Variants in SSH1 observed in about 807,000 individuals in gnomAD.
The protein encoded by SSH1 is protein phosphatase Slingshot homolog 1.
A neutral mutation model predicts 79.7 loss-of-function variants in SSH1; 43 were observed. The ratio of observed to expected loss-of-function variants is 0.54; its 90% CI spans 0.42 to 0.70. SSH1 has a LOEUF of 0.70. Among genes scored for constraint, SSH1 ranks in the 30% least tolerant of loss-of-function variants. The pLI is 0.00. For synonymous variants in SSH1, 599 were observed against 538.3 expected (o/e 1.11, Z -1.56); for missense variants, 1,206 against 1,358.8 (o/e 0.89, Z 1.77).
Position 108,800,844 on chromosome 12 carries a change from C to T in SSH1, c.1084G>A (p.Asp362Asn), listed in dbSNP as rs1052903656. 4 of 1,614,028 alleles carry T rather than the reference C, an allele frequency of 2.5e-6. No individual in the cohort carries two copies. The highest frequency in any genetic ancestry group is 3.4e-6 in the Non-Finnish European group (4 of 1,179,986). The change falls in exon 12 of 15, where the codon GAT becomes AAT. Residue 362 changes from aspartate to asparagine, a missense_variant. Transcript: ENST00000326495. ...GCGAGGAGGTCTGTGGTCTCTTCAT[C>T]GTAGACTCGGATGTTATGATATGCA... Reference protein sequence around the residue: ...LFAYHNIRVYDEETTDLLAHW... With the variant: ...LFAYHNIRVYNEETTDLLAHW...
intron 2 of SSH1, chr12:108,827,662 C>T: frequency 1.2e-6 from 1 of 858,020 alleles, no homozygotes; most frequent in Non-Finnish European, 1.5e-6. Context: ...GAAACAAGCA[C>T]CGGGGTGTGC....
chr12:108,836,888 C>G (rs1183257117), intron 2 of SSH1: 1 of 533,546 alleles, frequency 1.9e-6, no homozygotes, highest in Non-Finnish European at 3.9e-6. Context: ...ACATCAGACA[C>G]ACTCACACTG....
chr12:108,822,232 C>CAA (rs1370817176), intron 3 of SSH1, among the ~76,000 whole-genome samples: 1 of 152,186 alleles, frequency 6.6e-6, no homozygotes, highest in Non-Finnish European at 1.5e-5. Flanking sequence ...CTCCTGGGCT[C>CAA]AAGCAATCCT....
At position 108,806,393 on chromosome 12, in the gene SSH1, G is replaced by T; in HGVS notation, c.733C>A (p.Pro245Thr). The change falls in exon 9 of 15, where the codon CCC becomes ACC. Residue 245 changes from proline (P) to threonine (T), a missense_variant and splice_region_variant. Around this residue, in one of 5 missense-constraint regions of SSH1, gnomAD observed 116 missense variants for 109.0 expected, o/e 1.06. Coordinates refer to ENST00000326495, the MANE Select transcript of SSH1 (RefSeq NM_018984.4). ...CGCTCGGTCCTTTCCCCTTCAGTGG[G>T]CCTGGAAAGAAATGACGTTTAGGAG... ...PDSPALFVDK[P>T]TEGERTERLI... 7 of 1,614,050 alleles carry T rather than the reference G, an allele frequency of 4.3e-6. No individual in the cohort carries two copies. Among genetic ancestry groups the T allele is most frequent in the Non-Finnish European group, 5.9e-6 (7 of 1,179,918 alleles).
At chr12:108,798,393 C>A (rs982085062) in intron 13 of SSH1, among the ~76,000 whole-genome samples, 3 of 152,190 alleles carry the variant, frequency 2.0e-5, no homozygotes, top group African/African-American at 7.2e-5. Flanking sequence ...GGCTGGAGTC[C>A]AGTAGCACAA....
Position 108,857,372 on chromosome 12 carries a change from C to T in SSH1, c.69+56G>A. 9 of 957,310 alleles carry T rather than the reference C, an allele frequency of 9.4e-6. No individual in the cohort carries two copies. Among genetic ancestry groups the T allele is most frequent in the Non-Finnish European group, 9.9e-6 (8 of 805,584 alleles). 59.3% of individuals were successfully genotyped at this position (957,310 alleles called of 1,614,324 possible). ...CCCGCACGCGCGGCCCCAGCTCCGG[C>T]GGCCTCGGCGCGGCGTCCGGCGGCC... is the stretch of plus-strand genomic sequence containing the variant. On this transcript the variant is annotated intron_variant, in intron 1 of 14. Transcript: ENST00000326495. The surrounding 1 kb of genome is among the most constrained non-coding windows in gnomAD (Gnocchi z 4.7).
chr12:108,801,316 C>A (rs1593032224), intron 11 of SSH1, among the ~76,000 whole-genome samples: 1 of 152,280 alleles, frequency 6.6e-6, no homozygotes, highest in East Asian at 1.9e-4. Flanking sequence ...CTATATCCAT[C>A]CATTATCTAT....
chr12:108,799,020 A>C lies in SSH1; in HGVS notation c.1329T>G (p.Tyr443Ter), dbSNP rs778920817. The C allele has an allele frequency of 6.2e-7, 1 of 1,613,608 alleles. No individual in the cohort carries two copies. The highest frequency in any genetic ancestry group is 1.7e-5 in the Admixed American group (1 of 60,028). The change falls in exon 13 of 15, where the codon TAT becomes TAG. Residue 443 changes from tyrosine (Y) to a stop codon, truncating the protein, a stop_gained. Transcript: ENST00000326495. LOFTEE classifies it high-confidence loss of function. ...NAGFMRQLSEYEGILDASKQR... is the reference protein window; with the variant it reads ...NAGFMRQLSE ...CCCACCTTGCATCCAAGATGCCTTCATACTCAGACAGCTGCCTCATAAAGC... is the reference window on the plus strand; with the variant it reads ...CCCACCTTGCATCCAAGATGCCTTCCTACTCAGACAGCTGCCTCATAAAGC...
intron 1 of SSH1, among the ~76,000 whole-genome samples, chr12:108,855,677 T>C (rs559595823): frequency 1.3e-5 from 2 of 152,210 alleles, no homozygotes; most frequent in Admixed American, 1.3e-4. Context: ...AGTGCATAAA[T>C]TGCCAGACAG....
At chr12:108,806,162 A>C (rs1319051857) in intron 9 of SSH1, 139 bp downstream of exon 9, 1 of 841,824 alleles carries the variant, frequency 1.2e-6, no homozygotes, top group Non-Finnish European at 2.1e-6. Flanking sequence ...AACGAGGCAG[A>C]AAAAAGCCTC....
At chr12:108,804,653 A>G (rs919519387) in intron 10 of SSH1, among the ~76,000 whole-genome samples, 11 of 152,214 alleles carry the variant, frequency 7.2e-5, no homozygotes, top group South Asian at 6.2e-4. Context: ...ATGCCTAGGC[A>G]TAATTCTGGG....
At chr12:108,809,831 G>A (rs1457320019) in intron 6 of SSH1, 73 bp from the exon 7 acceptor site, 1 of 1,349,662 alleles carries the variant, frequency 7.4e-7, no homozygotes, top group Non-Finnish European at 1.1e-6. Flanking sequence ...ACTCTGGGAG[G>A]AGGGAGCCAA....
intron 14 of SSH1, among the ~76,000 whole-genome samples, chr12:108,791,365 C>T (rs1744063814): frequency 6.6e-6 from 1 of 152,212 alleles, no homozygotes; most frequent in Admixed American, 6.5e-5. Context: ...GCCTCGGCTT[C>T]CCAAAATGCT....
chr12:108,835,898 T>G lies in SSH1; in HGVS notation c.111-12537A>C, dbSNP rs1460383330. Among the ~76,000 whole-genome samples the G allele has an allele frequency of 3.9e-4, 30 of 76,906 alleles. 5 individuals carry two copies. Among genetic ancestry groups the G allele is most frequent in the African/African-American group, 1.4e-3 (29 of 20,790 alleles). 50.5% of individuals were successfully genotyped at this position (76,906 alleles called of 152,430 possible). ...ATTATATTAATTAATTATAACTATA[T>G]TAATATAATTAATTATAACTATATT... On this transcript the variant is annotated intron_variant, in intron 2 of 14. Transcript: ENST00000326495.
chr12:108,832,038 G>A (rs2038486441), intron 2 of SSH1, among the ~76,000 whole-genome samples: 1 of 152,132 alleles, frequency 6.6e-6, no homozygotes, highest in Admixed American at 6.6e-5. Context: ...TAGTTATAGA[G>A]AGTTTGTCCC....
Position 108,788,477 on chromosome 12 carries a change from G to C in SSH1, c.2661C>G (p.Pro887=). 6.4e-7 allele frequency: 1 copy of C among 1,556,728 alleles called. No individual in the cohort carries two copies. The highest frequency in any genetic ancestry group is 8.7e-7 in the Non-Finnish European group (1 of 1,154,154). The change falls in exon 15 of 15, where the codon CCC becomes CCG. Residue 887 remains proline (P), a synonymous_variant. Coordinates refer to ENST00000326495, the MANE Select transcript of SSH1 (RefSeq NM_018984.4). ...AGSDEKSEAA[P]ASLEGGSLKS... is the part of the protein sequence containing the mutation. ...TCAGTGAGCCTCCTTCCAATGAAGCGGGGGCGGCCTCTGACTTCTCATCAC... is the reference window on the plus strand; with the variant it reads ...TCAGTGAGCCTCCTTCCAATGAAGCCGGGGCGGCCTCTGACTTCTCATCAC...
chr12:108,810,830 G>A (rs866310815), intron 6 of SSH1, among the ~76,000 whole-genome samples: 21 of 152,326 alleles, frequency 1.4e-4, no homozygotes, highest in Middle Eastern at 6.8e-3. Flanking sequence ...CCAGGGTGGC[G>A]CTTGAAACCT....
intron 2 of SSH1, among the ~76,000 whole-genome samples, chr12:108,837,658 G>C (rs577299616): frequency 6.6e-6 from 1 of 152,332 alleles, no homozygotes; most frequent in East Asian, 1.9e-4. Flanking sequence ...TGGAAAACAT[G>C]TAAGTATTTG....
At chr12:108,801,367 A>G (rs910628654) in intron 11 of SSH1, among the ~76,000 whole-genome samples, 2 of 152,194 alleles carry the variant, frequency 1.3e-5, no homozygotes, top group Non-Finnish European at 2.9e-5. Context: ...GGAAAAAGGC[A>G]AGATAGACAA....
Sources: allele counts gnomAD v4.1 joint callset (sites outside exome capture counted in the v4.1 genomes callset), GRCh38; gene constraint gnomAD v4.1.1; regional missense constraint gnomAD v4.1.1; non-coding constraint Gnocchi (gnomAD v3.1); transcripts MANE v1.5; gene names NCBI Gene and HGNC (gene_info 2026-07-23, HGNC 2026-07-21).